Variants in HOXC9 observed in about 807,000 individuals in gnomAD.
HOXC9 encodes the protein homeobox C9.
Under a neutral mutation model 20.0 loss-of-function variants are expected in HOXC9, and 10 were observed. The observed-to-expected ratio is 0.50, with a 90% confidence interval of 0.31 to 0.85. HOXC9 has a LOEUF of 0.85. Ranked by LOEUF, HOXC9 falls within the 40% of genes least tolerant of loss-of-function variation. The pLI is 0.05. For missense variants in HOXC9, 394 were observed against 376.7 expected, an observed-to-expected ratio of 1.05 and a Z score of -0.38; for synonymous variants, 200 against 163.7, an observed-to-expected ratio of 1.22 and a Z score of -1.69.
Position 54,002,908 on chromosome 12 carries a change from G to T in HOXC9, c.*234G>T. On this transcript the variant is annotated 3_prime_UTR_variant, in exon 2 of 2. Transcript: ENST00000303450. ...TAGTTCTACCCAGCGAGGAGGAGGCGGGGAGAGAAACTGCGTTCTCTTTCC... is the reference window on the plus strand; with the variant it reads ...TAGTTCTACCCAGCGAGGAGGAGGCTGGGAGAGAAACTGCGTTCTCTTTCC... The T allele has an allele frequency of 2.6e-6, 1 of 391,668 alleles. No individual in the cohort carries two copies. The highest frequency in any genetic ancestry group is 4.5e-6 in the Non-Finnish European group (1 of 223,164). The allele number at this position is 391,668 out of a possible 1,614,324, so 24.3% of individuals were successfully genotyped here.
rs1321930967 is a variant in HOXC9, at chr12:54,002,904, A to G, written c.*230A>G. 1.3e-5 allele frequency: 5 copies of G among 396,076 alleles called. No individual in the cohort carries two copies. Among genetic ancestry groups the G allele is most frequent in the Non-Finnish European group, 2.2e-5 (5 of 226,136 alleles). 24.5% of individuals were successfully genotyped at this position (396,076 alleles called of 1,614,324 possible). A position where few individuals can be genotyped will look rare whatever the true frequency, so the allele number is the denominator to read the frequency against. Reference sequence around the variant, plus strand: ...GAGTTAGTTCTACCCAGCGAGGAGGAGGCGGGGAGAGAAACTGCGTTCTCT... The same window carrying G: ...GAGTTAGTTCTACCCAGCGAGGAGGGGGCGGGGAGAGAAACTGCGTTCTCT... On this transcript the variant is annotated 3_prime_UTR_variant, in exon 2 of 2. Coordinates refer to ENST00000303450, the MANE Select transcript of HOXC9 (RefSeq NM_006897.3).
chr12:54,000,247 A>G lies in HOXC9; in HGVS notation c.59A>G (p.Asn20Ser), dbSNP rs959758936. The G allele has an allele frequency of 9.9e-6, 16 of 1,614,066 alleles. No homozygotes were observed. The highest frequency in any genetic ancestry group is 1.3e-5 in the Non-Finnish European group (15 of 1,180,040). The change falls in exon 1 of 2, where the codon AAT (asparagine) becomes AGT (serine). Residue 20 changes from asparagine to serine, a missense_variant. Asn to Ser is a conservative substitution (Grantham distance 46). Coordinates refer to ENST00000303450, the MANE Select transcript of HOXC9 (RefSeq NM_006897.3). ...YYVDSLISHD[N>S]EDLLASRFPA... ...GTGGACTCGCTCATCTCTCACGACA[A>G]TGAAGACCTCCTAGCGTCCAGGTTT...
intron 1 of HOXC9, 127 bp from the exon 2 acceptor site, chr12:54,002,303 C>T: frequency 8.1e-7 from 1 of 1,232,628 alleles, no homozygotes; most frequent in South Asian, 1.6e-5. Context: ...ATTCCTAAAG[C>T]AAAATGTGTC....
chr12:54,003,134 T>C lies in HOXC9; in HGVS notation c.*460T>C, dbSNP rs1309626197. On this transcript the variant is annotated 3_prime_UTR_variant, in exon 2 of 2. Transcript: ENST00000303450. Reference sequence around the variant, plus strand: ...AAAGACACACACACATACATGATAATGATTCCCAGCCCAGGAGCTGAGGGG... The same window carrying C: ...AAAGACACACACACATACATGATAACGATTCCCAGCCCAGGAGCTGAGGGG... 1 of 153,214 alleles carries C rather than the reference T, an allele frequency of 6.5e-6. No homozygotes were observed. The highest frequency in any genetic ancestry group is 2.4e-5 in the African/African-American group (1 of 40,968). The allele number at this position is 153,214 out of a possible 1,614,324, so 9.5% of individuals were successfully genotyped here. A position where few individuals can be genotyped will look rare whatever the true frequency, so the allele number is the denominator to read the frequency against.
Position 54,000,453 on chromosome 12 carries a change from GAC to G in HOXC9, c.268_269del (p.Thr90AlafsTer134). On this transcript the variant is annotated frameshift_variant, in exon 1 of 2. Coordinates refer to ENST00000303450, the MANE Select transcript of HOXC9 (RefSeq NM_006897.3). LOFTEE classifies it high-confidence loss of function. ...PYGPQPHLGA[D>X]TRYMRTWLEP... is the part of the protein sequence containing the mutation. The stretch of plus-strand genomic sequence containing the variant: ...CGGCCCCCAGCCCCACCTCGGCGCC[GAC>G]ACGCGCTACATGCGGACTTGGCTCG... 6.2e-7 allele frequency: 1 copy of G among 1,604,656 alleles called. No homozygotes were observed. Among genetic ancestry groups the G allele is most frequent in the Non-Finnish European group, 8.5e-7 (1 of 1,179,762 alleles).
rs755986760 is a variant in HOXC9 at position 54,000,349 on chromosome 12, G to A, written c.161G>A (p.Ser54Asn). 2.5e-6 allele frequency: 4 copies of A among 1,613,952 alleles called. No individual in the cohort carries two copies. Among genetic ancestry groups the A allele is most frequent in the Middle Eastern group, 1.6e-4 (1 of 6,062 alleles). Residue 54 changes from serine to asparagine, a missense_variant, in exon 1 of 2, where the codon AGC becomes AAC. Transcript: ENST00000303450. Reference sequence around the variant, plus strand: ...GACTGTAGCGATTTTCCGTCCTGTAGCTTCGCGCCCAAGCCGGCAGTGTTC... The same window carrying A: ...GACTGTAGCGATTTTCCGTCCTGTAACTTCGCGCCCAAGCCGGCAGTGTTC... Reference protein sequence around the residue: ...VPDCSDFPSCSFAPKPAVFST... With the variant: ...VPDCSDFPSCNFAPKPAVFST...
chr12:54,000,608 C>T lies in HOXC9; in HGVS notation c.420C>T (p.Asp140=), dbSNP rs1592207061. The change falls in exon 1 of 2, where the codon GAC becomes GAT. Residue 140 remains aspartate, a synonymous_variant. Coordinates refer to ENST00000303450, the MANE Select transcript of HOXC9 (RefSeq NM_006897.3). ...CGPGEGRSYP[D]YMYGSPGELR... is the part of the protein sequence containing the mutation. ...CAGGGGAGGGCCGCAGCTACCCGGA[C>T]TACATGTACGGCTCGCCCGGGGAGC... 1.3e-6 allele frequency: 2 copies of T among 1,540,094 alleles called. No homozygotes were observed. Among genetic ancestry groups the T allele is most frequent in the East Asian group, 2.4e-5 (1 of 41,054 alleles).
At chr12:54,002,137 A>G (rs1939760592) in intron 1 of HOXC9, among the ~76,000 whole-genome samples, 1 of 152,110 alleles carries the variant, frequency 6.6e-6, no homozygotes, top group Admixed American at 6.5e-5. Context: ...GGGAATTTGG[A>G]CTTTTTATGA....
chr12:54,002,138 CTT>C (rs2136395281), intron 1 of HOXC9, among the ~76,000 whole-genome samples: 1 of 152,148 alleles, frequency 6.6e-6, no homozygotes, highest in South Asian at 2.1e-4. Context: ...GGAATTTGGA[CTT>C]TTTATGAGGA....
rs564631674 is a variant in HOXC9 at position 54,000,486 on chromosome 12, C to T, written c.298C>T (p.Leu100=). The change falls in exon 1 of 2, where the codon CTG becomes TTG. Residue 100 remains leucine (L), a synonymous_variant. Coordinates refer to ENST00000303450, the MANE Select transcript of HOXC9 (RefSeq NM_006897.3). The stretch of plus-strand genomic sequence containing the variant: ...CTACATGCGGACTTGGCTCGAGCCG[C>T]TGTCCGGCGCCGTCTCCTTCCCCAG... ...TRYMRTWLEP[L]SGAVSFPSFP... is the part of the protein sequence containing the mutation. 8.7e-6 allele frequency: 14 copies of T among 1,600,192 alleles called. No homozygotes were observed. In the East Asian group the frequency reaches 3.1e-4, roughly 36 times the overall value.
chr12:54,000,971 G>A (rs1031303319), intron 1 of HOXC9, among the ~76,000 whole-genome samples: 1 of 152,154 alleles, frequency 6.6e-6, no homozygotes, highest in South Asian at 2.1e-4. Flanking sequence ...TGGCTTTGAT[G>A]AGAGACCCCT....
In HOXC9 at chr12:54,000,779, C is replaced by A. The variant is rs942301501; in HGVS notation, c.538+53C>A. The A allele has an allele frequency of 5.2e-6, 7 of 1,351,104 alleles. No homozygotes were observed. In the African/African-American group the frequency reaches 9.2e-5, roughly 18 times the overall value. The allele number at this position is 1,351,104 out of a possible 1,614,324, so 83.7% of individuals were successfully genotyped here. On this transcript the variant is annotated intron_variant, in intron 1 of 1. Coordinates refer to ENST00000303450, the MANE Select transcript of HOXC9 (RefSeq NM_006897.3). ...ACCGGCGCGGGAGGGGAGGGGAGGA[C>A]GGGCGGGGGCAGCCGAATTACAGCC...
intron 1 of HOXC9, among the ~76,000 whole-genome samples, chr12:54,001,225 C>T (rs1166401949): frequency 6.6e-6 from 1 of 152,026 alleles, no homozygotes; most frequent in South Asian, 2.1e-4. Context: ...ATGGACTTCT[C>T]CCCCAGGAGC....
chr12:54,003,194 GC>G lies in HOXC9; in HGVS notation c.*523del, dbSNP rs1262820405. The G allele has an allele frequency of 6.5e-6, 1 of 154,196 alleles. No homozygotes were observed. Among genetic ancestry groups the G allele is most frequent in the Non-Finnish European group, 1.4e-5 (1 of 69,508 alleles). The allele number at this position is 154,196 out of a possible 1,614,324, so 9.6% of individuals were successfully genotyped here. ...GGGACCATGCCGCGGGCTAGGTCGG[GC>G]CCGTGCAGGCCGGCGCCTTGGGCTG... is the stretch of plus-strand genomic sequence containing the variant. On this transcript the variant is annotated 3_prime_UTR_variant, in exon 2 of 2. Coordinates refer to ENST00000303450, the MANE Select transcript of HOXC9 (RefSeq NM_006897.3).
chr12:54,000,976 A>G (rs1939729623), intron 1 of HOXC9, among the ~76,000 whole-genome samples: 2 of 151,694 alleles, frequency 1.3e-5, no homozygotes, highest in South Asian at 2.1e-4. Context: ...TTGATGAGAG[A>G]CCCCTGCCCC....
rs902034759 is a variant in HOXC9, at chr12:54,000,491, C to T, written c.303C>T (p.Ser101=). The T allele has an allele frequency of 1.3e-5, 21 of 1,599,612 alleles. No individual in the cohort carries two copies. Among genetic ancestry groups the T allele is most frequent in the Non-Finnish European group, 1.6e-5 (19 of 1,179,234 alleles). ...RYMRTWLEPL[S]GAVSFPSFPA... ...TGCGGACTTGGCTCGAGCCGCTGTC[C>T]GGCGCCGTCTCCTTCCCCAGCTTCC... is the stretch of plus-strand genomic sequence containing the variant. The change falls in exon 1 of 2, where the codon TCC becomes TCT. Residue 101 remains serine (S), a synonymous_variant. Transcript: ENST00000303450.
At position 54,000,362 on chromosome 12, in the gene HOXC9, G is replaced by A. The variant is rs1939701593; in HGVS notation, c.174G>A (p.Lys58=). 6.2e-7 allele frequency: 1 copy of A among 1,613,752 alleles called. No homozygotes were observed. The highest frequency in any genetic ancestry group is 8.5e-7 in the Non-Finnish European group (1 of 1,180,028). Residue 58 remains lysine, a synonymous_variant, in exon 1 of 2, where the codon AAG becomes AAA. Transcript: ENST00000303450. ...SDFPSCSFAP[K]PAVFSTSWAP... is the part of the protein sequence containing the mutation. Reference sequence around the variant, plus strand: ...TTCCGTCCTGTAGCTTCGCGCCCAAGCCGGCAGTGTTCAGCACGTCGTGGG... The same window carrying A: ...TTCCGTCCTGTAGCTTCGCGCCCAAACCGGCAGTGTTCAGCACGTCGTGGG...
chr12:54,002,833 A>T lies in HOXC9; in HGVS notation c.*159A>T. The T allele has an allele frequency of 2.6e-6, 2 of 765,830 alleles. No individual in the cohort carries two copies. Among genetic ancestry groups the T allele is most frequent in the Non-Finnish European group, 3.9e-6 (2 of 508,086 alleles). The allele number at this position is 765,830 out of a possible 1,614,324, so 47.4% of individuals were successfully genotyped here. On this transcript the variant is annotated 3_prime_UTR_variant, in exon 2 of 2. Coordinates refer to ENST00000303450, the MANE Select transcript of HOXC9 (RefSeq NM_006897.3). Reference sequence around the variant, plus strand: ...GAAAAACAAGGAAGGGGAAAAGAAAACTCTTGCGATTTGGGAGGGTTCAGT... The same window carrying T: ...GAAAAACAAGGAAGGGGAAAAGAAATCTCTTGCGATTTGGGAGGGTTCAGT...
chr12:54,001,730 T>C (rs150535256), intron 1 of HOXC9, among the ~76,000 whole-genome samples: 471 of 152,164 alleles, frequency 3.1e-3, no homozygotes, highest in African/African-American at 0.01. Context: ...GCTACTCCCA[T>C]AAACCTGAAA....
Sources: gnomAD v4.1 joint callset for allele counts (sites outside exome capture counted in the v4.1 genomes callset) on GRCh38, gnomAD v4.1.1 for gene constraint, MANE v1.5 for transcripts, NCBI Gene and HGNC (gene_info 2026-07-23, HGNC 2026-07-21) for gene names.